RSF1: variants seen among roughly 807,000 people sequenced by gnomAD.
RSF1 encodes HBV pX-associated protein 8.
In RSF1, 13 loss-of-function variants were observed where a neutral mutation model predicts 145.2. That is an observed-to-expected ratio of 0.09 (90% CI 0.06 to 0.14). The LOEUF (loss-of-function observed/expected upper bound fraction) is 0.14. RSF1 is among the 10% of genes least tolerant of loss of function. The pLI is 1.00. For missense variants in RSF1, 1,517 were observed against 1,718.2 expected, an observed-to-expected ratio of 0.88 and a Z score of 2.07; for synonymous variants, 577 against 592.6, an observed-to-expected ratio of 0.97 and a Z score of 0.38.
At chr11:77,791,446 T>G (rs1475490511) in intron 1 of RSF1, among the ~76,000 whole-genome samples, 1 of 152,170 alleles carries the variant, frequency 6.6e-6, no homozygotes, top group East Asian at 1.9e-4. Context: ...GGATTAACAT[T>G]TGGCCCCTCC....
intron 1 of RSF1, among the ~76,000 whole-genome samples, chr11:77,781,668 T>C (rs1358848786): frequency 6.6e-6 from 1 of 152,246 alleles, no homozygotes; most frequent in African/African-American, 2.4e-5. Context: ...CTTTGTTGGA[T>C]AGTGTTCTGG....
At chr11:77,675,901 T>C (rs1027089354) in intron 13 of RSF1, among the ~76,000 whole-genome samples, 1 of 152,220 alleles carries the variant, frequency 6.6e-6, no homozygotes, top group Non-Finnish European at 1.5e-5. Context: ...TTTTGTATAA[T>C]TTTCAGGATA....
intron 4 of RSF1, among the ~76,000 whole-genome samples, chr11:77,726,669 A>C (rs1565161473): frequency 6.6e-6 from 1 of 152,180 alleles, no homozygotes; most frequent in Non-Finnish European, 1.5e-5. Context: ...CCACTAGATT[A>C]TTAATTAGCA....
chr11:77,672,060 A>G lies in RSF1; in HGVS notation c.3733T>C (p.Ser1245Pro), dbSNP rs764753818. ...EIRRVHKRRL[S>P]SSESEESYLS... ...GCCTTACCTTCACTCTCTGAGCTGG[A>G]AAGTCTTCGCTTGTGTACTCGCCTT... The change falls in exon 15 of 16, where the codon TCC (serine) becomes CCC (proline). Residue 1245 changes from serine (S) to proline (P), a missense_variant. Ser to Pro is a moderately conservative substitution (Grantham distance 74). This residue lies in a region of RSF1 where 240 missense variants were observed against 231.8 expected (regional missense o/e 1.04). Coordinates refer to ENST00000308488, the MANE Select transcript of RSF1 (RefSeq NM_016578.4). The G allele has an allele frequency of 1.1e-5, 17 of 1,611,874 alleles. No individual in the cohort carries two copies. Among genetic ancestry groups the G allele is most frequent in the East Asian group, 4.5e-5 (2 of 44,880 alleles).
intron 8 of RSF1, 132 bp downstream of exon 8, chr11:77,693,375 G>C (rs958823192): frequency 1.9e-6 from 1 of 524,300 alleles, no homozygotes; most frequent in Non-Finnish European, 3.4e-6. Flanking sequence ...ATAAAAGGTA[G>C]AAATCTAAAC....
intron 2 of RSF1, among the ~76,000 whole-genome samples, chr11:77,747,514 T>C (rs1464757147): frequency 1.3e-5 from 2 of 152,212 alleles, no homozygotes; most frequent in Non-Finnish European, 2.9e-5. Context: ...TCAAAAAACA[T>C]GCCAAATTCT....
At chr11:77,771,120 C>A (rs1948281027) in intron 1 of RSF1, among the ~76,000 whole-genome samples, 1 of 152,024 alleles carries the variant, frequency 6.6e-6, no homozygotes, top group African/African-American at 2.4e-5. Context: ...CAGAAAGAGT[C>A]AAAACAAATT....
At chr11:77,694,121 T>C (rs1461934755) in intron 7 of RSF1, among the ~76,000 whole-genome samples, 1 of 152,178 alleles carries the variant, frequency 6.6e-6, no homozygotes, top group Non-Finnish European at 1.5e-5. Flanking sequence ...AAAGTTAAGC[T>C]ATAAAATTTA....
chr11:77,664,998 A>T lies in RSF1; in HGVS notation c.*1919T>A, dbSNP rs143169637. ...TATTTTATTTTTTATACAGATACAT[A>T]CACATTGCTAGAATCAAAGCAAAAA... On this transcript the variant is annotated 3_prime_UTR_variant, in exon 16 of 16. Coordinates refer to ENST00000308488, the MANE Select transcript of RSF1 (RefSeq NM_016578.4). 3.3e-5 allele frequency: 5 copies of T among 152,316 alleles called. No homozygotes were observed. The highest frequency in any genetic ancestry group is 1.2e-4 in the African/African-American group (5 of 41,568). The allele number at this position is 152,316 out of a possible 1,614,324, so 9.4% of individuals were successfully genotyped here.
At chr11:77,778,466 T>A (rs890745647) in intron 1 of RSF1, among the ~76,000 whole-genome samples, 5 of 152,140 alleles carry the variant, frequency 3.3e-5, no homozygotes, top group African/African-American at 4.8e-5. Context: ...TTATCAAACA[T>A]GTGGAAACTT....
intron 11 of RSF1, among the ~76,000 whole-genome samples, chr11:77,679,579 A>C (rs1959802305): frequency 6.6e-6 from 1 of 151,894 alleles, no homozygotes. Flanking sequence ...GGGCCGAGAC[A>C]AGAGGATTGC....
upstream of RSF1, chr11:77,821,049 G>A (rs1027302695): frequency 6.1e-6 from 3 of 488,248 alleles, no homozygotes; most frequent in African/African-American, 6.1e-5. Flanking sequence ...GGCTGGAAGC[G>A]GGAGGGGCGG....
intron 11 of RSF1, among the ~76,000 whole-genome samples, chr11:77,680,284 A>T (rs897123164): frequency 4.0e-5 from 6 of 151,832 alleles, no homozygotes; most frequent in Non-Finnish European, 7.4e-5. Context: ...ATAAAAAATT[A>T]AAAAAATTAG....
rs772886906 is a variant in RSF1 at position 77,661,585 on chromosome 11, A to T, written c.*5332T>A. Reference sequence around the variant, plus strand: ...TAAAGGGCAGGAGAATGAAAAAGACATGGCACAAATTTTTAAACAATTTTA... The same window carrying T: ...TAAAGGGCAGGAGAATGAAAAAGACTTGGCACAAATTTTTAAACAATTTTA... On this transcript the variant is annotated 3_prime_UTR_variant, in exon 16 of 16. Coordinates refer to ENST00000308488, the MANE Select transcript of RSF1 (RefSeq NM_016578.4). 6.6e-5 allele frequency: 10 copies of T among 152,062 alleles called. No homozygotes were observed. Among genetic ancestry groups the T allele is most frequent in the Non-Finnish European group, 1.5e-4 (10 of 67,976 alleles). The allele number at this position is 152,062 out of a possible 1,614,324, so 9.4% of individuals were successfully genotyped here. A position where few individuals can be genotyped will look rare whatever the true frequency, so the allele number is the denominator to read the frequency against.
intron 11 of RSF1, 40 bp from the exon 12 acceptor site, chr11:77,678,193 C>CTTTTTTTTTTTTTTTTATT (rs1959762461): frequency 1.7e-6 from 1 of 585,396 alleles, no homozygotes; most frequent in Non-Finnish European, 2.5e-6. Flanking sequence ...CCTGTCCTGG[C>CTTTTTTTTTTTTTTTTATT]TTTTTTTTTT....
chr11:77,750,451 C>T (rs369103879), intron 2 of RSF1, among the ~76,000 whole-genome samples: 1 of 152,204 alleles, frequency 6.6e-6, no homozygotes, highest in African/African-American at 2.4e-5. Flanking sequence ...AGAATTTTTA[C>T]ATGTCACCAA....
intron 4 of RSF1, among the ~76,000 whole-genome samples, chr11:77,737,196 C>G (rs534032025): frequency 6.6e-6 from 1 of 152,104 alleles, no homozygotes; most frequent in Non-Finnish European, 1.5e-5. Context: ...ACCTGTAATC[C>G]CAGCACTTTG....
chr11:77,710,015 C>T (rs1400043571), intron 5 of RSF1, among the ~76,000 whole-genome samples: 1 of 152,100 alleles, frequency 6.6e-6, no homozygotes, highest in Non-Finnish European at 1.5e-5. Context: ...AAGAAAACCA[C>T]ACAAAACAAA....
In RSF1 at chr11:77,729,462, T is replaced by C. The variant is rs750029040; in HGVS notation, c.579-3763A>G. 2.6e-4 allele frequency among the ~76,000 whole-genome samples: 40 copies of C among 152,204 alleles called. No individual in the cohort carries two copies. In the Middle Eastern group the frequency reaches 0.02, roughly 78 times the overall value. On this transcript the variant is annotated intron_variant, in intron 4 of 15. Coordinates refer to ENST00000308488, the MANE Select transcript of RSF1 (RefSeq NM_016578.4). ...AACACGTCATCCTAACCATTATTAT[T>C]GTGAAATATGATTTCTCCCAGCCTA...
Sources: gnomAD v4.1 joint callset for allele counts (sites outside exome capture counted in the v4.1 genomes callset) on GRCh38, gnomAD v4.1.1 for gene constraint, gnomAD v4.1.1 regional missense constraint, MANE v1.5 for transcripts, NCBI Gene and HGNC (gene_info 2026-07-23, HGNC 2026-07-21) for gene names.